DACH2: variants seen among roughly 807,000 people sequenced by gnomAD.
DACH2 encodes the protein dachshund homolog 2.
Under a neutral mutation model 35.8 loss-of-function variants are expected in DACH2, and 17 were observed. The ratio of observed to expected loss-of-function variants is 0.48; its 90% CI spans 0.33 to 0.71. The LOEUF is 0.71. Ranked by LOEUF, DACH2 falls within the 30% of genes least tolerant of loss-of-function variation. The pLI is 0.02. For missense variants in DACH2, 469 were observed against 472.7 expected, an observed-to-expected ratio of 0.99 and a Z score of 0.07; for synonymous variants, 195 against 177.3, an observed-to-expected ratio of 1.10 and a Z score of -0.79.
intron 3 of DACH2, among the ~76,000 whole-genome samples, chrX:86,647,014 AAT>A (rs1432430049): frequency 9.1e-6 from 1 of 109,900 alleles, no homozygotes; most frequent in Non-Finnish European, 1.9e-5. Flanking sequence ...TATTTTTAAA[AAT>A]ATATATAAGA....
intron 2 of DACH2, among the ~76,000 whole-genome samples, chrX:86,506,826 C>T (rs955473185): frequency 9.0e-6 from 1 of 111,656 alleles, no homozygotes; most frequent in Non-Finnish European, 1.9e-5. Context: ...TGTAATGTAA[C>T]ATAATCTTGG....
chrX:86,647,249 A>T (rs1269668887), intron 3 of DACH2, among the ~76,000 whole-genome samples: 5 of 110,905 alleles, frequency 4.5e-5, no homozygotes, highest in Admixed American at 3.9e-4. Context: ...TATTAACAAT[A>T]GCCAATATAT....
intron 1 of DACH2, among the ~76,000 whole-genome samples, chrX:86,155,823 C>A (rs1406457843): frequency 1.8e-5 from 2 of 110,629 alleles, no homozygotes; most frequent in African/African-American, 6.5e-5. Context: ...ACAGTAAACA[C>A]CGTTAAATGA....
intron 1 of DACH2, among the ~76,000 whole-genome samples, chrX:86,213,211 G>A (rs756724835): frequency 9.0e-6 from 1 of 111,513 alleles, no homozygotes; most frequent in East Asian, 2.8e-4. Context: ...GCTAGACAAA[G>A]GAATAAAGGT....
chrX:86,212,740 A>G (rs2032474288), intron 1 of DACH2, among the ~76,000 whole-genome samples: 1 of 111,280 alleles, frequency 9.0e-6, no homozygotes, highest in Admixed American at 9.6e-5. Flanking sequence ...TTCTCATCTT[A>G]CTAATTTTGA....
intron 1 of DACH2, among the ~76,000 whole-genome samples, chrX:86,263,418 T>C (rs945702515): frequency 9.0e-6 from 1 of 111,680 alleles, no homozygotes; most frequent in Non-Finnish European, 1.9e-5. Flanking sequence ...TGAGTTCAGG[T>C]TGGAGACATC....
At chrX:86,607,648 G>T (rs1236640567) in intron 3 of DACH2, among the ~76,000 whole-genome samples, 2 of 107,568 alleles carry the variant, frequency 1.9e-5, no homozygotes, top group South Asian at 8.5e-4. Flanking sequence ...CAATGTGCAG[G>T]TTAGTTACAT....
intron 1 of DACH2, among the ~76,000 whole-genome samples, chrX:86,342,099 T>C (rs1284945396): frequency 9.0e-6 from 1 of 111,699 alleles, no homozygotes; most frequent in Non-Finnish European, 1.9e-5. Context: ...AATTTTGAAA[T>C]AAGTACTACT....
At chrX:86,246,446 C>G (rs1169107018) in intron 1 of DACH2, among the ~76,000 whole-genome samples, 1 of 111,808 alleles carries the variant, frequency 8.9e-6, no homozygotes, top group Admixed American at 9.5e-5. Flanking sequence ...AAAGTGAACT[C>G]TATCAGGCTA....
chrX:86,715,003 A>G (rs781002495), intron 6 of DACH2, among the ~76,000 whole-genome samples: 7 of 111,863 alleles, frequency 6.3e-5, no homozygotes, highest in Non-Finnish European at 9.4e-5. Context: ...AGAGTAGAAG[A>G]GTGTGCAAAA....
At chrX:86,799,182 C>T (rs2042267701) in intron 7 of DACH2, 1 of 264,979 alleles carries the variant, frequency 3.8e-6, no homozygotes, top group Admixed American at 4.6e-5. Context: ...GATCCAACAA[C>T]TTTTTGAAAC....
At chrX:86,550,464 C>A (rs2039033401) in intron 3 of DACH2, among the ~76,000 whole-genome samples, 1 of 110,660 alleles carries the variant, frequency 9.0e-6, no homozygotes, top group South Asian at 3.9e-4. Context: ...TATTCTGTTG[C>A]ATAATCGGTC....
chrX:86,200,993 C>T (rs2032140124), intron 1 of DACH2, among the ~76,000 whole-genome samples: 2 of 111,266 alleles, frequency 1.8e-5, no homozygotes, highest in Non-Finnish European at 3.8e-5. Context: ...TGCATCTGTT[C>T]ATTGCAGTGC....
At chrX:86,390,787 A>G (rs1053682399) in intron 2 of DACH2, among the ~76,000 whole-genome samples, 1 of 108,280 alleles carries the variant, frequency 9.2e-6, no homozygotes, top group Non-Finnish European at 1.9e-5. Flanking sequence ...ACGGGGTTTC[A>G]CCATATTGAC....
intron 1 of DACH2, among the ~76,000 whole-genome samples, chrX:86,271,992 C>G (rs936274034): frequency 8.1e-5 from 9 of 111,083 alleles, no homozygotes; most frequent in African/African-American, 2.9e-4. Flanking sequence ...GCCCAGCTCC[C>G]CATGCTTCTC....
At chrX:86,656,038 C>A (rs781271529) in intron 4 of DACH2, among the ~76,000 whole-genome samples, 4 of 100,949 alleles carry the variant, frequency 4.0e-5, no homozygotes, top group African/African-American at 1.4e-4. Context: ...CTCCCCCCCC[C>A]CACTAATCTG....
rs547979070 is a variant in DACH2, at chrX:86,785,208, G to A, written c.1241-27648G>A. 2.1e-4 allele frequency among the ~76,000 whole-genome samples: 24 copies of A among 111,732 alleles called. No homozygotes were observed. In the South Asian group the frequency reaches 8.9e-3, roughly 42 times the overall value. On this transcript the variant is annotated intron_variant, in intron 7 of 11. Coordinates refer to ENST00000373125, the MANE Select transcript of DACH2 (RefSeq NM_053281.3). Reference sequence around the variant, plus strand: ...GGGGAGATGATCATGCAAATTTTGAGGTACTTGTAAGACATCCACTGAAGA... The same window carrying A: ...GGGGAGATGATCATGCAAATTTTGAAGTACTTGTAAGACATCCACTGAAGA...
At chrX:86,677,831 T>C (rs753944051) in intron 4 of DACH2, among the ~76,000 whole-genome samples, 6 of 112,257 alleles carry the variant, frequency 5.3e-5, no homozygotes, top group Admixed American at 9.5e-5. Context: ...TAATTGCCTA[T>C]CCATCCTCAA....
At chrX:86,251,445 C>A (rs1424780973) in intron 1 of DACH2, among the ~76,000 whole-genome samples, 2 of 110,493 alleles carry the variant, frequency 1.8e-5, no homozygotes, top group Non-Finnish European at 3.8e-5. Context: ...ATCACCCAAG[C>A]AGTATACACT....
Sources: allele counts gnomAD v4.1 joint callset (sites outside exome capture counted in the v4.1 genomes callset), GRCh38; gene constraint gnomAD v4.1.1; transcripts MANE v1.5; gene names NCBI Gene and HGNC (gene_info 2026-07-23, HGNC 2026-07-21).